ATAD2B: variants seen among roughly 807,000 people sequenced by gnomAD.
ATAD2B encodes the protein ATPase family AAA domain containing 2B.
ATAD2B carries 40 observed loss-of-function variants against 167.6 expected under a neutral mutation model. That is an observed-to-expected ratio of 0.24 (90% CI 0.19 to 0.31). The LOEUF is 0.31. Among genes scored for constraint, ATAD2B ranks in the 10% least tolerant of loss-of-function variants. ATAD2B has a pLI of 1.00. For missense variants in ATAD2B, 1,242 were observed against 1,757.2 expected (o/e 0.71, Z 5.24); for synonymous variants, 579 against 596.5 (o/e 0.97, Z 0.43).
At chr2:23,884,649 G>A in intron 6 of ATAD2B, 116 bp downstream of exon 6, 1 of 508,558 alleles carries the variant, frequency 2.0e-6, no homozygotes, top group Non-Finnish European at 3.5e-6. Context: ...ATACAATATA[G>A]ACCTCAAAAT....
chr2:23,807,934 T>TATATAAATATAAAAATATATTTATA (rs1684761899), intron 18 of ATAD2B, among the ~76,000 whole-genome samples: 2 of 127,902 alleles, frequency 1.6e-5, no homozygotes, highest in African/African-American at 5.9e-5. Flanking sequence ...ATATTTATAA[T>TATATAAATATAAAAATATATTTATA]ATATATAAAT....
chr2:23,779,753 A>G lies in ATAD2B; in HGVS notation c.3133+3116T>C, dbSNP rs182961677. ...ATAATGTTGGAGAAATATATTAATT[A>G]ATAAGCTTTTCACAAAATATTATAG... On this transcript the variant is annotated intron_variant, in intron 22 of 27. Coordinates refer to ENST00000238789, the MANE Select transcript of ATAD2B (RefSeq NM_017552.4). Among the ~76,000 whole-genome samples, 132 of 152,336 alleles carry G rather than the reference A, an allele frequency of 8.7e-4. 1 individual carries two copies. Among genetic ancestry groups the G allele is most frequent in the African/African-American group, 3.0e-3 (126 of 41,566 alleles).
the ATAD2B span, among the ~76,000 whole-genome samples, chr2:23,699,142 G>A: frequency 2.0e-5 from 3 of 152,214 alleles, no homozygotes; most frequent in South Asian, 4.1e-4. Context: ...ACAACTGGAC[G>A]TCACATCACC....
chr2:23,811,643 T>C (rs1391542942), intron 17 of ATAD2B, among the ~76,000 whole-genome samples: 1 of 152,178 alleles, frequency 6.6e-6, no homozygotes, highest in African/African-American at 2.4e-5. Flanking sequence ...AAATACCTAA[T>C]GCAGATGACG....
intron 15 of ATAD2B, among the ~76,000 whole-genome samples, chr2:23,825,100 A>G (rs772426485): frequency 3.7e-4 from 53 of 143,906 alleles, no homozygotes; most frequent in Non-Finnish European, 7.2e-4. Context: ...GTGCCATCAC[A>G]TCAGGCTAAT....
chr2:23,853,430 T>C (rs919299052), intron 13 of ATAD2B, among the ~76,000 whole-genome samples: 2 of 152,214 alleles, frequency 1.3e-5, no homozygotes, highest in African/African-American at 4.8e-5. Context: ...CAGTAAGCAA[T>C]TAGAAAATAA....
chr2:23,867,601 C>CT (rs1695329499), intron 10 of ATAD2B, among the ~76,000 whole-genome samples: 1 of 152,258 alleles, frequency 6.6e-6, no homozygotes, highest in South Asian at 2.1e-4. Context: ...AAGCCTTGCC[C>CT]CTCATAACCT....
chr2:23,916,615 T>C (rs1314869099), intron 1 of ATAD2B, among the ~76,000 whole-genome samples: 1 of 152,200 alleles, frequency 6.6e-6, no homozygotes, highest in Non-Finnish European at 1.5e-5. Context: ...CCTCTAACCA[T>C]AGGTTTCTGC....
At chr2:23,785,148 T>C (rs1409950653) in intron 21 of ATAD2B, among the ~76,000 whole-genome samples, 3 of 152,080 alleles carry the variant, frequency 2.0e-5, no homozygotes, top group African/African-American at 7.2e-5. Flanking sequence ...TAGTAACAGA[T>C]GAGGTAATGG....
intron 21 of ATAD2B, chr2:23,785,759 G>T (rs1325507103): frequency 9.8e-6 from 3 of 307,378 alleles, no homozygotes; most frequent in African/African-American, 6.5e-5. Flanking sequence ...TTTGACTAAG[G>T]CAACCTTTAA....
intron 8 of ATAD2B, among the ~76,000 whole-genome samples, chr2:23,871,334 C>T (rs1368775132): frequency 2.6e-5 from 4 of 152,052 alleles, no homozygotes; most frequent in Admixed American, 1.3e-4. Context: ...CTTGTTACCG[C>T]GTGAACTGCT....
the ATAD2B span, among the ~76,000 whole-genome samples, chr2:23,719,410 A>G: frequency 6.6e-6 from 1 of 152,338 alleles, no homozygotes; most frequent in Admixed American, 6.5e-5. Context: ...ACTTTAAAAG[A>G]AATTCTCAGC....
At chr2:23,724,774 T>C in the ATAD2B span, among the ~76,000 whole-genome samples, 1 of 152,060 alleles carries the variant, frequency 6.6e-6, no homozygotes, top group Non-Finnish European at 1.5e-5. Context: ...CTGGGCACGG[T>C]GGCTCACGCC....
At chr2:23,687,957 G>A in the ATAD2B span, among the ~76,000 whole-genome samples, 2 of 152,098 alleles carry the variant, frequency 1.3e-5, no homozygotes, top group Non-Finnish European at 2.9e-5. Context: ...CCCAGCCTGC[G>A]GCCGAGTCCC....
intron 13 of ATAD2B, among the ~76,000 whole-genome samples, chr2:23,835,794 G>A (rs190024310): frequency 8.5e-4 from 129 of 152,136 alleles, no homozygotes; most frequent in South Asian, 2.1e-3. Context: ...AAATTAGCTC[G>A]GTGCGGTGGC....
chr2:23,723,686 C>G, the ATAD2B span, among the ~76,000 whole-genome samples: 1 of 152,122 alleles, frequency 6.6e-6, no homozygotes, highest in East Asian at 1.9e-4. Flanking sequence ...CTAGTACAGT[C>G]ACTATGGAGA....
chr2:23,790,505 A>G (rs1487888232), intron 19 of ATAD2B, among the ~76,000 whole-genome samples: 1 of 152,234 alleles, frequency 6.6e-6, no homozygotes, highest in Non-Finnish European at 1.5e-5. Flanking sequence ...AAGCATACCA[A>G]GAACAGGCCT....
chr2:23,884,960 C>T, intron 5 of ATAD2B, 87 bp from the exon 6 acceptor site: 1 of 623,404 alleles, frequency 1.6e-6, no homozygotes, highest in East Asian at 3.4e-5. Flanking sequence ...ACCTGCTCAA[C>T]AAAATTTATT....
At chr2:23,822,235 A>G (rs2149647104) in intron 16 of ATAD2B, among the ~76,000 whole-genome samples, 1 of 152,298 alleles carries the variant, frequency 6.6e-6, no homozygotes, top group Non-Finnish European at 1.5e-5. Flanking sequence ...GAATGACCTT[A>G]TATTAATTAA....
Sources: allele counts gnomAD v4.1 joint callset (sites outside exome capture counted in the v4.1 genomes callset), GRCh38; gene constraint gnomAD v4.1.1; transcripts MANE v1.5; gene names NCBI Gene and HGNC (gene_info 2026-07-23, HGNC 2026-07-21).